The following RNF212B variants were observed in gnomAD, a reference collection of about 807,000 sequenced individuals.
RNF212B encodes ring finger protein 212B, also known as E3 ubiquitin-protein ligase RNF212B.
Under a neutral mutation model 55.5 loss-of-function variants are expected in RNF212B, and 52 were observed. The ratio of observed to expected loss-of-function variants is 0.94; its 90% CI spans 0.75 to 1.18. RNF212B has a LOEUF of 1.18. RNF212B is among the 50% of genes most tolerant of loss of function. RNF212B has a pLI of 0.00. For missense variants in RNF212B, 289 were observed against 350.4 expected (o/e 0.82, Z 1.40); for synonymous variants, 99 against 121.4 (o/e 0.82, Z 1.21).
intron 11 of RNF212B, among the ~76,000 whole-genome samples, chr14:23,267,097 T>C (rs1460437349): frequency 6.6e-6 from 1 of 152,142 alleles, no homozygotes; most frequent in Non-Finnish European, 1.5e-5. Context: ...GCCTCCTGAG[T>C]AGCTAGAACA....
chr14:23,243,903 C>T (rs770841198), intron 3 of RNF212B, among the ~76,000 whole-genome samples: 26 of 151,832 alleles, frequency 1.7e-4, no homozygotes, highest in Non-Finnish European at 4.4e-5. Context: ...ATGAGGAAAC[C>T]CTCGTCTCTA....
chr14:23,207,165 T>C (rs1879928349), intron 2 of RNF212B, among the ~76,000 whole-genome samples: 1 of 152,230 alleles, frequency 6.6e-6, no homozygotes, highest in Non-Finnish European at 1.5e-5. Context: ...AAACTAACAA[T>C]GATCACACAA....
intron 2 of RNF212B, among the ~76,000 whole-genome samples, chr14:23,206,810 C>G (rs1879881983): frequency 6.6e-6 from 1 of 151,950 alleles, no homozygotes; most frequent in Non-Finnish European, 1.5e-5. Context: ...CAAGAGTAGC[C>G]TCTGTTGCAG....
chr14:23,270,109 C>G lies in RNF212B; in HGVS notation c.772+149C>G, dbSNP rs1177728348. 5 of 612,424 alleles carry G rather than the reference C, an allele frequency of 8.2e-6. No homozygotes were observed. The Admixed American group carries it at 1.4e-4, about 17-fold the overall frequency. 37.9% of individuals were successfully genotyped at this position (612,424 alleles called of 1,614,324 possible). A position where few individuals can be genotyped will look rare whatever the true frequency, so the allele number is the denominator to read the frequency against. On this transcript the variant is annotated intron_variant, in intron 13 of 14. Coordinates refer to ENST00000430154, the MANE Select transcript of RNF212B (RefSeq NM_001282322.3). Reference sequence around the variant, plus strand: ...TCCTTAATATTCTTTAAGAGCCATCCCATTTTCTTCAGAGTGAAGGGAAAC... The same window carrying G: ...TCCTTAATATTCTTTAAGAGCCATCGCATTTTCTTCAGAGTGAAGGGAAAC...
chr14:23,219,413 G>T (rs116921841), intron 2 of RNF212B, among the ~76,000 whole-genome samples: 2,023 of 149,508 alleles, frequency 0.014, 8 homozygotes, highest in Non-Finnish European at 0.023. Flanking sequence ...TAAAGAGAAA[G>T]AACAAAAAGT....
At chr14:23,242,304 T>C (rs1476011535) in intron 2 of RNF212B, among the ~76,000 whole-genome samples, 1 of 152,116 alleles carries the variant, frequency 6.6e-6, no homozygotes, top group Non-Finnish European at 1.5e-5. Flanking sequence ...ATGTGATGTT[T>C]TCTCCTGACA....
intron 2 of RNF212B, among the ~76,000 whole-genome samples, chr14:23,221,639 C>A (rs1881588149): frequency 6.6e-6 from 1 of 152,114 alleles, no homozygotes; most frequent in African/African-American, 2.4e-5. Context: ...AACAAATGAA[C>A]CTAATAAACA....
intron 2 of RNF212B, among the ~76,000 whole-genome samples, chr14:23,209,709 G>A (rs1433785661): frequency 6.6e-6 from 1 of 152,136 alleles, no homozygotes; most frequent in Non-Finnish European, 1.5e-5. Flanking sequence ...TAGATGGAAA[G>A]GGAAAAATAG....
intron 2 of RNF212B, among the ~76,000 whole-genome samples, chr14:23,231,674 C>T (rs1882624149): frequency 6.6e-6 from 1 of 152,078 alleles, no homozygotes; most frequent in African/African-American, 2.4e-5. Flanking sequence ...TTTCCATGGT[C>T]TCCCTCTGAT....
chr14:23,206,097 C>T (rs1594873621), intron 2 of RNF212B, among the ~76,000 whole-genome samples: 6 of 151,612 alleles, frequency 4.0e-5, no homozygotes, highest in South Asian at 2.1e-4. Flanking sequence ...TTTTTTGAGA[C>T]GGAGTCTTGC....
intron 4 of RNF212B, among the ~76,000 whole-genome samples, chr14:23,248,633 G>A (rs1413386900): frequency 6.6e-6 from 1 of 150,614 alleles, no homozygotes. Context: ...ATAGAGATGG[G>A]GTTTCACCGT....
intron 2 of RNF212B, among the ~76,000 whole-genome samples, chr14:23,206,740 T>G (rs1325668776): frequency 6.6e-6 from 1 of 152,182 alleles, no homozygotes; most frequent in East Asian, 1.9e-4. Context: ...AGGGAGACAC[T>G]TTTATTTTTC....
chr14:23,261,703 C>T (rs1222210315), intron 7 of RNF212B, among the ~76,000 whole-genome samples: 4 of 152,052 alleles, frequency 2.6e-5, no homozygotes, highest in Admixed American at 2.0e-4. Flanking sequence ...GGCTCACACC[C>T]GTAATCACAG....
At chr14:23,272,795 A>G in intron 14 of RNF212B, 28 bp from the exon 15 acceptor site, 2 of 1,491,724 alleles carry the variant, frequency 1.3e-6, no homozygotes, top group Non-Finnish European at 1.8e-6. Flanking sequence ...ATAAACACCC[A>G]CATCTACCTT....
chr14:23,254,561 T>A lies in RNF212B; in HGVS notation c.229-3988T>A, dbSNP rs569897452. ...CCAAAGCATATATTACTTTTTTGTA[T>A]GTGTGTGCTTTTGGTAGAGATAGCA... is the stretch of plus-strand genomic sequence containing the variant. On this transcript the variant is annotated intron_variant, in intron 4 of 14. Coordinates refer to ENST00000430154, the MANE Select transcript of RNF212B (RefSeq NM_001282322.3). 2.6e-5 allele frequency among the ~76,000 whole-genome samples: 4 copies of A among 152,324 alleles called. No homozygotes were observed. The South Asian group carries it at 8.3e-4, about 32-fold the overall frequency.
chr14:23,222,839 G>A (rs1386656397), intron 2 of RNF212B, among the ~76,000 whole-genome samples: 1 of 152,032 alleles, frequency 6.6e-6, no homozygotes. Context: ...GATCATCTGA[G>A]GTCAGGAGTT....
At chr14:23,243,438 G>A in intron 3 of RNF212B, 130 bp downstream of exon 3, 2 of 820,204 alleles carry the variant, frequency 2.4e-6, no homozygotes, top group Non-Finnish European at 3.9e-6. Context: ...GCTCAGGCCT[G>A]TAATCCCAGC....
At chr14:23,218,367 C>CA (rs35628249) in intron 2 of RNF212B, among the ~76,000 whole-genome samples, 11,039 of 94,160 alleles carry the variant, frequency 0.12, 456 homozygotes, top group South Asian at 0.14. Flanking sequence ...GAGTCTATCT[C>CA]AAAAAAAAAA....
At chr14:23,256,378 T>A (rs1187823425) in intron 4 of RNF212B, among the ~76,000 whole-genome samples, 1 of 150,258 alleles carries the variant, frequency 6.7e-6, no homozygotes, top group East Asian at 1.9e-4. Flanking sequence ...ACTGTTTAAT[T>A]TTTTTTTTTT....
Sources: allele counts gnomAD v4.1 joint callset (sites outside exome capture counted in the v4.1 genomes callset), GRCh38; gene constraint gnomAD v4.1.1; transcripts MANE v1.5; gene names NCBI Gene and HGNC (gene_info 2026-07-23, HGNC 2026-07-21).